TMEM170B: variants seen among roughly 807,000 people sequenced by gnomAD.
TMEM170B encodes the protein transmembrane protein 170B.
TMEM170B carries 6 observed loss-of-function variants against 13.0 expected under a neutral mutation model. The observed-to-expected ratio is 0.46, with a 90% CI of 0.25 to 0.91. The LOEUF (loss-of-function observed/expected upper bound fraction) is 0.91. TMEM170B is among the 40% of genes least tolerant of loss of function. TMEM170B has a pLI of 0.17. For missense variants in TMEM170B, 138 were observed against 165.2 expected, an observed-to-expected ratio of 0.84 and a Z score of 0.90; for synonymous variants, 61 against 64.9, an observed-to-expected ratio of 0.94 and a Z score of 0.29.
chr6:11,566,389 C>A (rs1376214524), intron 2 of TMEM170B, among the ~76,000 whole-genome samples: 1 of 152,220 alleles, frequency 6.6e-6, no homozygotes, highest in Admixed American at 6.5e-5. Flanking sequence ...TTTTCAGGTT[C>A]ATTCCCTCTG....
At chr6:11,561,372 T>C (rs1476192360) in intron 1 of TMEM170B, among the ~76,000 whole-genome samples, 1 of 152,180 alleles carries the variant, frequency 6.6e-6, no homozygotes, top group Non-Finnish European at 1.5e-5. Flanking sequence ...CACTTTAGCA[T>C]AGACAGTTTA....
intron 1 of TMEM170B, among the ~76,000 whole-genome samples, chr6:11,550,762 T>C (rs1053863593): frequency 6.6e-6 from 1 of 152,188 alleles, no homozygotes; most frequent in African/African-American, 2.4e-5. Flanking sequence ...TATTTTGCCC[T>C]TGCTTACGGA....
intron 1 of TMEM170B, among the ~76,000 whole-genome samples, chr6:11,540,975 CTT>C (rs955796474): frequency 6.7e-6 from 1 of 150,186 alleles, no homozygotes; most frequent in African/African-American, 2.4e-5. Flanking sequence ...TGAAAGGAAT[CTT>C]TTTTTTTTCT....
chr6:11,538,388 C>G lies in TMEM170B; in HGVS notation c.97+14C>G. 6.7e-7 allele frequency: 1 copy of G among 1,500,166 alleles called. No individual in the cohort carries two copies. The highest frequency in any genetic ancestry group is 1.7e-4 in the Middle Eastern group (1 of 5,878). 92.9% of individuals were successfully genotyped at this position (1,500,166 alleles called of 1,614,324 possible). ...GGAACCTCACGGGTAATTGACGCGC[C>G]TGGGCTGGGGACGGGGATGCGGTCC... On this transcript the variant is annotated intron_variant, in intron 1 of 2. Transcript: ENST00000379426.
intron 2 of TMEM170B, among the ~76,000 whole-genome samples, chr6:11,568,794 C>T (rs1195086028): frequency 6.6e-6 from 1 of 152,104 alleles, no homozygotes; most frequent in Admixed American, 6.5e-5. Context: ...ATAGCTGTAT[C>T]TTCAGTTCAG....
intron 1 of TMEM170B, 67 bp downstream of exon 1, chr6:11,538,441 G>T: frequency 8.1e-7 from 1 of 1,230,916 alleles, no homozygotes; most frequent in Non-Finnish European, 1.1e-6. Context: ...TCCTTCCTCG[G>T]GAGGGGACAC....
chr6:11,556,409 T>C (rs896045033), intron 1 of TMEM170B, among the ~76,000 whole-genome samples: 3 of 152,190 alleles, frequency 2.0e-5, no homozygotes, highest in Non-Finnish European at 4.4e-5. Context: ...TGCTCCATTG[T>C]AGCTTTTAGC....
At position 11,576,625 on chromosome 6, in the gene TMEM170B, A is replaced by G. The variant is rs937168611; in HGVS notation, c.*1064A>G. On this transcript the variant is annotated 3_prime_UTR_variant, in exon 3 of 3. Coordinates refer to ENST00000379426, the MANE Select transcript of TMEM170B (RefSeq NM_001100829.3). ...GGAAATAAAGACCTCATTTGTAGAA[A>G]TAAGTAACAAGTAAGTTATATAGGA... 1 of 152,196 alleles carries G rather than the reference A, an allele frequency of 6.6e-6. No homozygotes were observed. Among genetic ancestry groups the G allele is most frequent in the Non-Finnish European group, 1.5e-5 (1 of 68,004 alleles). 9.4% of individuals were successfully genotyped at this position (152,196 alleles called of 1,614,324 possible). A position where few individuals can be genotyped will look rare whatever the true frequency, so the allele number is the denominator to read the frequency against.
At chr6:11,560,961 G>C (rs1175005668) in intron 1 of TMEM170B, among the ~76,000 whole-genome samples, 1 of 152,174 alleles carries the variant, frequency 6.6e-6, no homozygotes, top group Non-Finnish European at 1.5e-5. Flanking sequence ...GAAAGTTACA[G>C]ATTGGGAGCA....
intron 1 of TMEM170B, among the ~76,000 whole-genome samples, chr6:11,545,960 C>A (rs1436056393): frequency 6.9e-6 from 1 of 145,756 alleles, no homozygotes; most frequent in Non-Finnish European, 1.5e-5. Flanking sequence ...TGCAGTGAGC[C>A]GAGATTGCAC....
chr6:11,538,228 C>A lies in TMEM170B; in HGVS notation c.-50C>A. The A allele has an allele frequency of 1.8e-6, 2 of 1,084,262 alleles. No homozygotes were observed. The highest frequency in any genetic ancestry group is 2.3e-6 in the Non-Finnish European group (2 of 863,556). The allele number at this position is 1,084,262 out of a possible 1,614,324, so 67.2% of individuals were successfully genotyped here. A position where few individuals can be genotyped will look rare whatever the true frequency, so the allele number is the denominator to read the frequency against. On this transcript the variant is annotated 5_prime_UTR_variant, in exon 1 of 3. Coordinates refer to ENST00000379426, the MANE Select transcript of TMEM170B (RefSeq NM_001100829.3). Reference sequence around the variant, plus strand: ...GCCGCCCCCCGAGCCTCGCAGCCGCCGCCGCCGCCCGGCACCCGAGGAGAG... The same window carrying A: ...GCCGCCCCCCGAGCCTCGCAGCCGCAGCCGCCGCCCGGCACCCGAGGAGAG...
In TMEM170B at chr6:11,580,498, G is replaced by A. The variant is rs569074884; in HGVS notation, c.*4937G>A. ...TATTTGTTTTTAAGATGTGAGGGAC[G>A]AGGAAAATTACTGAAGAAATTCTAG... is the stretch of plus-strand genomic sequence containing the variant. On this transcript the variant is annotated 3_prime_UTR_variant, in exon 3 of 3. Transcript: ENST00000379426. 72 of 152,282 alleles carry A rather than the reference G, an allele frequency of 4.7e-4. No homozygotes were observed. The highest frequency in any genetic ancestry group is 1.7e-3 in the African/African-American group (71 of 41,542). The allele number at this position is 152,282 out of a possible 1,614,324, so 9.4% of individuals were successfully genotyped here. A position where few individuals can be genotyped will look rare whatever the true frequency, so the allele number is the denominator to read the frequency against.
At chr6:11,544,190 A>G (rs1045244821) in intron 1 of TMEM170B, among the ~76,000 whole-genome samples, 5 of 152,324 alleles carry the variant, frequency 3.3e-5, no homozygotes, top group African/African-American at 1.2e-4. Context: ...ATTACGGTAC[A>G]GGTTGAACAT....
intron 1 of TMEM170B, among the ~76,000 whole-genome samples, chr6:11,548,417 C>T (rs931583263): frequency 6.6e-6 from 1 of 152,158 alleles, no homozygotes. Context: ...ATTAAAAAGT[C>T]AGGAAACAAC....
rs1038304460 is a variant in TMEM170B at position 11,559,304 on chromosome 6, C to T, written c.98-6362C>T. Reference sequence around the variant, plus strand: ...CTTGACCTCCTGGGCTCAAGTGATTCTCCCGTCTCAGCCTCCTGGGTAGTG... The same window carrying T: ...CTTGACCTCCTGGGCTCAAGTGATTTTCCCGTCTCAGCCTCCTGGGTAGTG... On this transcript the variant is annotated intron_variant, in intron 1 of 2. Transcript: ENST00000379426. Among the ~76,000 whole-genome samples, 3 of 150,690 alleles carry T rather than the reference C, an allele frequency of 2.0e-5. 1 individual carries two copies. The East Asian group carries it at 5.9e-4, about 30-fold the overall frequency.
chr6:11,539,765 T>G (rs545343920), intron 1 of TMEM170B, among the ~76,000 whole-genome samples: 1 of 152,328 alleles, frequency 6.6e-6, no homozygotes, highest in South Asian at 2.1e-4. Context: ...TACTTATGAT[T>G]TTGCTTGCAT....
At position 11,537,764 on chromosome 6, in the gene TMEM170B, A is replaced by G. The variant is rs1759298524; in HGVS notation, c.-514A>G. ...GGGGGCGGTTCCTCGAGTGTCGGCG[A>G]CCCGAGGGCGGGCAGGCGGGCGGCA... On this transcript the variant is annotated 5_prime_UTR_variant, in exon 1 of 3. Transcript: ENST00000379426. Among the ~76,000 whole-genome samples, 2 of 151,158 alleles carry G rather than the reference A, an allele frequency of 1.3e-5. No homozygotes were observed. The highest frequency in any genetic ancestry group is 4.9e-5 in the African/African-American group (2 of 41,092).
rs1274181332 is a variant in TMEM170B, at chr6:11,570,163, A to AT, written c.268+4328dup. Among the ~76,000 whole-genome samples the AT allele has an allele frequency of 4.6e-5, 7 of 152,152 alleles. No homozygotes were observed. In the East Asian group the frequency reaches 1.3e-3, roughly 29 times the overall value. On this transcript the variant is annotated intron_variant, in intron 2 of 2. Transcript: ENST00000379426. ...ATGTAGTGTAGCTCTATTTATTGAG[A>AT]TCATCTTTTACGTCTTTTATTAGAG...
At chr6:11,554,137 G>GAA (rs1759558866) in intron 1 of TMEM170B, among the ~76,000 whole-genome samples, 1 of 151,994 alleles carries the variant, frequency 6.6e-6, no homozygotes, top group Non-Finnish European at 1.5e-5. Context: ...TTCATTACAA[G>GAA]TTATGCTCGT....
Sources: allele counts gnomAD v4.1 joint callset (sites outside exome capture counted in the v4.1 genomes callset), GRCh38; gene constraint gnomAD v4.1.1; transcripts MANE v1.5; gene names NCBI Gene and HGNC (gene_info 2026-07-23, HGNC 2026-07-21).